Variants in CDK14 observed in about 807,000 individuals in gnomAD.
CDK14 encodes the protein cyclin-dependent kinase 14.
CDK14 carries 34 observed loss-of-function variants against 60.7 expected under a neutral mutation model. The observed-to-expected ratio is 0.56, with a 90% CI of 0.43 to 0.75. The LOEUF (loss-of-function observed/expected upper bound fraction) is 0.75, where lower values mean the gene tolerates loss of function less well. Ranked by LOEUF, CDK14 falls within the 30% of genes least tolerant of loss-of-function variation. The pLI is 0.00. For missense variants in CDK14, 482 were observed against 564.1 expected (o/e 0.85, Z 1.47); for synonymous variants, 197 against 203.7 (o/e 0.97, Z 0.28).
At chr7:90,637,047 A>G (rs1287204060) in intron 2 of CDK14, among the ~76,000 whole-genome samples, 9 of 152,144 alleles carry the variant, frequency 5.9e-5, no homozygotes, top group Admixed American at 5.9e-4. Flanking sequence ...TAGCCTTGCT[A>G]GCGGTCTATC....
chr7:90,678,655 A>T (rs563752703), intron 2 of CDK14, among the ~76,000 whole-genome samples: 239 of 150,096 alleles, frequency 1.6e-3, no homozygotes, highest in African/African-American at 1.4e-3. Context: ...TTTTTTTTTT[A>T]AAATAGAGGA....
intron 6 of CDK14, among the ~76,000 whole-genome samples, chr7:90,876,754 A>C (rs1323508926): frequency 6.6e-6 from 1 of 152,206 alleles, no homozygotes; most frequent in Non-Finnish European, 1.5e-5. Context: ...ATCCATTCTT[A>C]ATAAGTTTAA....
In CDK14 at chr7:91,208,193, T is replaced by G. The variant is rs1188268737; in HGVS notation, c.*1057T>G. The G allele has an allele frequency of 1.3e-5, 2 of 152,652 alleles. No individual in the cohort carries two copies. Among genetic ancestry groups the G allele is most frequent in the East Asian group, 3.9e-4 (2 of 5,186 alleles). 9.5% of individuals were successfully genotyped at this position (152,652 alleles called of 1,614,324 possible). ...TTCCAAGCCAATTGGAAGACATCAT[T>G]GGGTTCTTACTTTAAGACATCTCCT... On this transcript the variant is annotated 3_prime_UTR_variant, in exon 15 of 15. Transcript: ENST00000380050.
chr7:90,740,270 T>TATAGAG (rs1554325107), intron 3 of CDK14, among the ~76,000 whole-genome samples: 17 of 140,034 alleles, frequency 1.2e-4, no homozygotes, highest in Admixed American at 4.3e-4. Flanking sequence ...TATATATATA[T>TATAGAG]AGAGAGAGAG....
At chr7:90,726,956 G>C in intron 3 of CDK14, 144 bp downstream of exon 3, 1 of 893,516 alleles carries the variant, frequency 1.1e-6, no homozygotes, top group South Asian at 1.7e-5. Flanking sequence ...TTTTGGAAGA[G>C]AGAGAGCAAA....
chr7:91,145,748 A>G (rs1800607212), intron 14 of CDK14, among the ~76,000 whole-genome samples: 1 of 152,170 alleles, frequency 6.6e-6, no homozygotes, highest in African/African-American at 2.4e-5. Context: ...CATCTTCCTT[A>G]TTAACTTGTT....
intron 14 of CDK14, among the ~76,000 whole-genome samples, chr7:91,164,812 G>A (rs567269517): frequency 6.6e-6 from 1 of 152,264 alleles, no homozygotes; most frequent in Admixed American, 6.5e-5. Flanking sequence ...AACACAAACT[G>A]TGACGTACTG....
At chr7:90,892,206 GA>G (rs1455317894) in intron 6 of CDK14, among the ~76,000 whole-genome samples, 2 of 152,148 alleles carry the variant, frequency 1.3e-5, no homozygotes, top group Non-Finnish European at 2.9e-5. Flanking sequence ...ATGGAGAGAG[GA>G]AAATATGCAA....
intron 9 of CDK14, among the ~76,000 whole-genome samples, chr7:90,973,685 T>A (rs1794989666): frequency 6.6e-6 from 1 of 151,714 alleles, no homozygotes; most frequent in Non-Finnish European, 1.5e-5. Flanking sequence ...CATCACATAT[T>A]GGTAGGACTG....
intron 2 of CDK14, among the ~76,000 whole-genome samples, chr7:90,650,416 C>T (rs79615854): frequency 0.31 from 46,412 of 151,990 alleles, 7,973 homozygotes; most frequent in East Asian, 0.67. Flanking sequence ...GTTGCCTTTT[C>T]ACTCTGATGG....
intron 2 of CDK14, among the ~76,000 whole-genome samples, chr7:90,671,450 TAAAG>T (rs1801096843): frequency 6.6e-6 from 1 of 152,130 alleles, no homozygotes; most frequent in Admixed American, 6.5e-5. Context: ...AAAACAAAAC[TAAAG>T]AAAGAATTTT....
chr7:91,112,250 T>C (rs1444735664), intron 12 of CDK14, among the ~76,000 whole-genome samples: 1 of 152,200 alleles, frequency 6.6e-6, no homozygotes, highest in Non-Finnish European at 1.5e-5. Flanking sequence ...ATATGTTGTC[T>C]TCTGAAATTT....
At chr7:91,018,975 G>A (rs1796370285) in intron 10 of CDK14, among the ~76,000 whole-genome samples, 1 of 152,012 alleles carries the variant, frequency 6.6e-6, no homozygotes, top group South Asian at 2.1e-4. Flanking sequence ...CCTCTCAAAG[G>A]CCAAATCTCC....
chr7:90,779,298 G>A (rs1805205308), intron 4 of CDK14, among the ~76,000 whole-genome samples: 1 of 152,064 alleles, frequency 6.6e-6, no homozygotes, highest in African/African-American at 2.4e-5. Flanking sequence ...GTGTTGCCTA[G>A]GCTGAAGTGC....
intron 8 of CDK14, among the ~76,000 whole-genome samples, chr7:90,922,707 G>C (rs1050179632): frequency 1.3e-5 from 2 of 151,904 alleles, no homozygotes; most frequent in Non-Finnish European, 1.5e-5. Flanking sequence ...CTCCTCAAAA[G>C]TTTTTATTTT....
chr7:90,809,928 T>C (rs894134623), intron 5 of CDK14, among the ~76,000 whole-genome samples: 4 of 152,162 alleles, frequency 2.6e-5, no homozygotes, highest in Non-Finnish European at 5.9e-5. Context: ...AGGAAGAAGT[T>C]GAATCTCTGA....
intron 8 of CDK14, among the ~76,000 whole-genome samples, chr7:90,950,799 A>G (rs957930802): frequency 2.0e-5 from 3 of 152,202 alleles, no homozygotes; most frequent in Admixed American, 1.3e-4. Context: ...ATCAGTATAT[A>G]TAGATAGTAA....
intron 10 of CDK14, among the ~76,000 whole-genome samples, chr7:91,022,320 G>A (rs1796453253): frequency 6.6e-6 from 1 of 152,176 alleles, no homozygotes; most frequent in African/African-American, 2.4e-5. Context: ...ACTGACAATA[G>A]TTTCTCACTA....
intron 14 of CDK14, among the ~76,000 whole-genome samples, chr7:91,126,941 T>C (rs1285416219): frequency 6.6e-6 from 1 of 152,094 alleles, no homozygotes; most frequent in Admixed American, 6.6e-5. Context: ...TTCCTCTTAG[T>C]GCAGGTCAAA....
Sources: gnomAD v4.1 joint callset for allele counts (sites outside exome capture counted in the v4.1 genomes callset) on GRCh38, gnomAD v4.1.1 for gene constraint, MANE v1.5 for transcripts, NCBI Gene and HGNC (gene_info 2026-07-23, HGNC 2026-07-21) for gene names.